MYO16: variants seen among roughly 807,000 people sequenced by gnomAD.
MYO16 encodes the protein unconventional myosin-XVI.
MYO16 carries 94 observed loss-of-function variants against 205.3 expected under a neutral mutation model. The ratio of observed to expected loss-of-function variants is 0.46; its 90% CI spans 0.39 to 0.54. The LOEUF (loss-of-function observed/expected upper bound fraction) is 0.54, where lower values mean the gene tolerates loss of function less well. Among genes scored for constraint, MYO16 ranks in the 20% least tolerant of loss-of-function variants. The probability of loss-of-function intolerance (pLI) is 0.00; values close to 1 mark genes in which losing one functional copy is unlikely to be tolerated. For missense variants in MYO16, 2,315 were observed against 2,387.5 expected (o/e 0.97, Z 0.63); for synonymous variants, 988 against 954.0 (o/e 1.04, Z -0.66).
At chr13:108,715,001 C>G (rs906777509) in intron 3 of MYO16, among the ~76,000 whole-genome samples, 2 of 152,124 alleles carry the variant, frequency 1.3e-5, no homozygotes, top group Non-Finnish European at 2.9e-5. Context: ...CATTCACAGC[C>G]GGGTCGTGTC....
At chr13:108,801,019 A>T (rs1886954321) in intron 6 of MYO16, among the ~76,000 whole-genome samples, 1 of 152,220 alleles carries the variant, frequency 6.6e-6, no homozygotes, top group Non-Finnish European at 1.5e-5. Flanking sequence ...CAGAAATTAT[A>T]ATTAACATTT....
intron 3 of MYO16, among the ~76,000 whole-genome samples, chr13:108,715,709 G>T (rs1255961465): frequency 6.6e-6 from 1 of 152,196 alleles, no homozygotes; most frequent in African/African-American, 2.4e-5. Context: ...CAGTGGACTG[G>T]AGAGGGATAA....
chr13:108,657,846 G>C (rs1016563731), intron 1 of MYO16, among the ~76,000 whole-genome samples: 9 of 151,972 alleles, frequency 5.9e-5, no homozygotes, highest in Admixed American at 3.9e-4. Context: ...TCTATGCTAA[G>C]ACCTTCATTT....
At chr13:108,590,316 G>A in the MYO16 span, among the ~76,000 whole-genome samples, 1 of 152,158 alleles carries the variant, frequency 6.6e-6, no homozygotes, top group Non-Finnish European at 1.5e-5. Context: ...GTTTTAAAGA[G>A]TAGTAATGCC....
At chr13:108,637,826 G>A (rs925698326) in intron 1 of MYO16, among the ~76,000 whole-genome samples, 4 of 152,062 alleles carry the variant, frequency 2.6e-5, no homozygotes, top group Non-Finnish European at 5.9e-5. Flanking sequence ...AGTGAGCTGA[G>A]ATCACACCAT....
At chr13:109,190,639 A>G (rs917063893) in intron 34 of MYO16, among the ~76,000 whole-genome samples, 1 of 152,226 alleles carries the variant, frequency 6.6e-6, no homozygotes, top group Admixed American at 6.5e-5. Flanking sequence ...AAATGTATCA[A>G]TAAACTTGTT....
intron 23 of MYO16, among the ~76,000 whole-genome samples, chr13:109,022,157 TTA>T (rs1886049547): frequency 8.1e-6 from 1 of 123,760 alleles, no homozygotes; most frequent in African/African-American, 3.3e-5. Flanking sequence ...ATATACAAAT[TTA>T]TATATACAAA....
rs75135986 is a variant in MYO16 at position 108,902,396 on chromosome 13, G to C, written c.1777+4263G>C. Among the ~76,000 whole-genome samples, 440 of 152,330 alleles carry C rather than the reference G, an allele frequency of 2.9e-3. 1 individual carries two copies. The highest frequency in any genetic ancestry group is 0.01 in the African/African-American group (418 of 41,588). Reference sequence around the variant, plus strand: ...CCATGTCTCCCAGAGTAGCTTAATAGCATGTACTTGTCTCCTGTGCCTGTT... The same window carrying C: ...CCATGTCTCCCAGAGTAGCTTAATACCATGTACTTGTCTCCTGTGCCTGTT... On this transcript the variant is annotated intron_variant, in intron 15 of 34. Transcript: ENST00000457511.
chr13:108,844,369 A>G lies in MYO16; in HGVS notation c.1124A>G (p.Lys375Arg), dbSNP rs199640509. ...AGTCCCCTGGTGTTACCAATTGCCA[A>G]GCAAGACAGTTTGTTGGAAAAAGAC... ...KLSPLVLPIA[K>R]QDSLLEKDIM... The change falls in exon 10 of 35, where the codon AAG becomes AGG. Residue 375 changes from lysine (K) to arginine (R), a missense_variant. Lys to Arg is a conservative substitution (Grantham distance 26). Around this residue, in one of 3 missense-constraint regions of MYO16, gnomAD observed 1,213 missense variants for 1,274.4 expected, o/e 0.95. Transcript: ENST00000457511. 1 of 1,613,234 alleles carries G rather than the reference A, an allele frequency of 6.2e-7. No individual in the cohort carries two copies. The highest frequency in any genetic ancestry group is 1.1e-5 in the South Asian group (1 of 90,992).
intron 4 of MYO16, among the ~76,000 whole-genome samples, chr13:108,746,679 A>G (rs1352377537): frequency 1.4e-4 from 22 of 152,184 alleles, no homozygotes; most frequent in Non-Finnish European, 5.9e-5. Flanking sequence ...AAAAAATAAA[A>G]TTTAAAAACA....
chr13:108,892,088 A>T (rs1363377141), intron 14 of MYO16, among the ~76,000 whole-genome samples: 1 of 152,160 alleles, frequency 6.6e-6, no homozygotes, highest in Non-Finnish European at 1.5e-5. Context: ...ATAGATCCCC[A>T]AGCTTATGTC....
intron 4 of MYO16, among the ~76,000 whole-genome samples, chr13:108,771,506 T>C (rs893831161): frequency 1.3e-5 from 2 of 152,120 alleles, no homozygotes; most frequent in Non-Finnish European, 2.9e-5. Flanking sequence ...GTTAGCACCC[T>C]AAGTTCATAG....
chr13:108,892,375 G>T (rs1455519362), intron 14 of MYO16, among the ~76,000 whole-genome samples: 1 of 152,064 alleles, frequency 6.6e-6, no homozygotes, highest in Non-Finnish European at 1.5e-5. Flanking sequence ...AAGCAGCTGG[G>T]ATTACAGGCG....
chr13:108,876,731 A>G (rs1879345881), intron 12 of MYO16, among the ~76,000 whole-genome samples: 1 of 150,804 alleles, frequency 6.6e-6, no homozygotes, highest in Non-Finnish European at 1.5e-5. Context: ...CAGTGGCACA[A>G]TCTTGGCTCA....
intron 1 of MYO16, among the ~76,000 whole-genome samples, chr13:108,644,301 C>T (rs1880639310): frequency 6.6e-6 from 1 of 152,190 alleles, no homozygotes; most frequent in South Asian, 2.1e-4. Flanking sequence ...ACTCCACTCC[C>T]TTTCCAGGTA....
intron 23 of MYO16, among the ~76,000 whole-genome samples, chr13:109,023,216 T>C (rs1237571541): frequency 4.4e-5 from 5 of 114,184 alleles, no homozygotes; most frequent in Non-Finnish European, 6.7e-5. Context: ...AATTTATGTA[T>C]ATATTTATAT....
chr13:109,180,166 G>T (rs1879397433), intron 34 of MYO16, among the ~76,000 whole-genome samples: 1 of 152,020 alleles, frequency 6.6e-6, no homozygotes, highest in Admixed American at 6.6e-5. Flanking sequence ...CTGTTTGGAG[G>T]TGCATTACTG....
At chr13:108,626,078 G>A (rs2139343642), upstream of MYO16, among the ~76,000 whole-genome samples, 1 of 152,150 alleles carries the variant, frequency 6.6e-6, no homozygotes, top group Admixed American at 6.5e-5. Flanking sequence ...TAGAATCATT[G>A]CAGTTTCTTT....
intron 34 of MYO16, among the ~76,000 whole-genome samples, chr13:109,201,839 A>G (rs940054164): frequency 6.6e-6 from 1 of 152,110 alleles, no homozygotes; most frequent in African/African-American, 2.4e-5. Context: ...TATAAGTGAG[A>G]ACATACAATG....
Sources: gnomAD v4.1 joint callset for allele counts (sites outside exome capture counted in the v4.1 genomes callset) on GRCh38, gnomAD v4.1.1 for gene constraint, gnomAD v4.1.1 regional missense constraint, MANE v1.5 for transcripts, NCBI Gene and HGNC (gene_info 2026-07-23, HGNC 2026-07-21) for gene names.